Variants in MSRA observed in about 807,000 individuals in gnomAD.
MSRA encodes mitochondrial peptide methionine sulfoxide reductase.
MSRA carries 54 observed loss-of-function variants against 31.3 expected under a neutral mutation model. The observed-to-expected ratio is 1.73, with a 90% CI of 1.39 to 2.17. MSRA has a LOEUF of 2.17. MSRA is among the 30% of genes most tolerant of loss of function. The pLI is 0.00. For missense variants in MSRA, 507 were observed against 300.9 expected (o/e 1.69, Z -5.07); for synonymous variants, 169 against 116.5 (o/e 1.45, Z -2.90).
intron 5 of MSRA, among the ~76,000 whole-genome samples, chr8:10,391,692 G>A (rs995495483): frequency 6.6e-6 from 1 of 152,138 alleles, no homozygotes; most frequent in Non-Finnish European, 1.5e-5. Flanking sequence ...TCTTCTACAC[G>A]AGCACGCCTA....
At chr8:10,198,240 G>A (rs138769981) in intron 1 of MSRA, among the ~76,000 whole-genome samples, 58 of 152,040 alleles carry the variant, frequency 3.8e-4, no homozygotes, top group Middle Eastern at 3.4e-3. Context: ...AATCAGCCAC[G>A]ACTACAGCAT....
intron 3 of MSRA, among the ~76,000 whole-genome samples, chr8:10,252,442 G>A (rs1311608683): frequency 6.6e-6 from 1 of 152,148 alleles, no homozygotes; most frequent in African/African-American, 2.4e-5. Flanking sequence ...GAGTCCTGGG[G>A]TTTCCTGATA....
chr8:10,057,800 C>T (rs960666676), intron 1 of MSRA, among the ~76,000 whole-genome samples: 1 of 152,222 alleles, frequency 6.6e-6, no homozygotes, highest in South Asian at 2.1e-4. Flanking sequence ...TTCCTGAGGC[C>T]TCCCTGGCCA....
intron 2 of MSRA, among the ~76,000 whole-genome samples, chr8:10,219,999 A>G (rs150125351): frequency 6.6e-6 from 1 of 151,982 alleles, no homozygotes; most frequent in Non-Finnish European, 1.5e-5. Flanking sequence ...AGTTGAAGCA[A>G]CATGGTTGAA....
intron 2 of MSRA, among the ~76,000 whole-genome samples, chr8:10,211,183 G>T (rs1406130441): frequency 6.6e-6 from 1 of 152,196 alleles, no homozygotes; most frequent in Non-Finnish European, 1.5e-5. Flanking sequence ...TGTCAGGAAA[G>T]ACAGATAGAG....
intron 1 of MSRA, among the ~76,000 whole-genome samples, chr8:10,097,722 A>C (rs1799270571): frequency 6.6e-6 from 1 of 152,186 alleles, no homozygotes; most frequent in South Asian, 2.1e-4. Flanking sequence ...AACTCAGAAC[A>C]AACTTATATC....
intron 2 of MSRA, among the ~76,000 whole-genome samples, chr8:10,240,820 T>G (rs902306757): frequency 6.6e-6 from 1 of 151,970 alleles, no homozygotes; most frequent in Non-Finnish European, 1.5e-5. Context: ...AACCAACCAT[T>G]CAACACCCCA....
intron 2 of MSRA, among the ~76,000 whole-genome samples, chr8:10,222,410 T>C (rs1034669026): frequency 4.6e-5 from 7 of 151,984 alleles, no homozygotes; most frequent in African/African-American, 1.7e-4. Context: ...TTGGTGGGAT[T>C]GTAAATTGGT....
At chr8:10,262,418 A>T (rs118134636) in intron 3 of MSRA, among the ~76,000 whole-genome samples, 189 of 152,302 alleles carry the variant, frequency 1.2e-3, no homozygotes, top group Middle Eastern at 3.4e-3. Flanking sequence ...GGCAATTCTG[A>T]TAGGTGTATA....
intron 5 of MSRA, among the ~76,000 whole-genome samples, chr8:10,357,940 G>T (rs1804604346): frequency 6.6e-6 from 1 of 151,422 alleles, no homozygotes; most frequent in African/African-American, 2.4e-5. Flanking sequence ...ACTTTTTTTT[G>T]AAATGGAGTT....
At chr8:10,229,713 A>T (rs79314828) in intron 2 of MSRA, among the ~76,000 whole-genome samples, 1 of 152,276 alleles carries the variant, frequency 6.6e-6, no homozygotes, top group East Asian at 1.9e-4. Flanking sequence ...TGAGAAAAAA[A>T]AGGGTTAGAG....
At chr8:10,270,224 G>T (rs914164678) in intron 3 of MSRA, among the ~76,000 whole-genome samples, 1 of 151,980 alleles carries the variant, frequency 6.6e-6, no homozygotes, top group Admixed American at 6.5e-5. Context: ...CTTATATACC[G>T]GATTCTGTTA....
intron 5 of MSRA, among the ~76,000 whole-genome samples, chr8:10,370,470 C>G (rs1203048787): frequency 3.3e-5 from 5 of 152,214 alleles, no homozygotes; most frequent in Non-Finnish European, 2.9e-5. Flanking sequence ...AGATTTCACA[C>G]AAACTATGAA....
intron 5 of MSRA, among the ~76,000 whole-genome samples, chr8:10,390,036 C>T (rs1298203262): frequency 1.3e-5 from 2 of 152,222 alleles, no homozygotes; most frequent in Admixed American, 6.5e-5. Flanking sequence ...CCCGAGCCCA[C>T]TCCCCATGTG....
At chr8:10,356,737 T>C (rs541088730) in intron 5 of MSRA, among the ~76,000 whole-genome samples, 2 of 152,226 alleles carry the variant, frequency 1.3e-5, no homozygotes, top group South Asian at 4.2e-4. Context: ...ACATAGAATC[T>C]ACCTTGATTC....
chr8:10,172,456 G>T (rs1341733211), intron 1 of MSRA, among the ~76,000 whole-genome samples: 2 of 152,134 alleles, frequency 1.3e-5, no homozygotes, highest in Admixed American at 6.5e-5. Flanking sequence ...GGGCAGGGGA[G>T]GGGGAGGCAA....
chr8:10,307,957 G>A (rs1456382833), intron 4 of MSRA, among the ~76,000 whole-genome samples: 7 of 152,196 alleles, frequency 4.6e-5, no homozygotes, highest in Non-Finnish European at 8.8e-5. Context: ...GTGACAGCGT[G>A]CAGCTTCTGG....
At chr8:10,118,799 C>T (rs1800881142) in intron 1 of MSRA, among the ~76,000 whole-genome samples, 1 of 152,204 alleles carries the variant, frequency 6.6e-6, no homozygotes, top group African/African-American at 2.4e-5. Flanking sequence ...CTTTTCTAAG[C>T]TACCCCAATT....
intron 1 of MSRA, among the ~76,000 whole-genome samples, chr8:10,147,852 C>T (rs533772378): frequency 8.9e-4 from 136 of 152,330 alleles, no homozygotes; most frequent in African/African-American, 2.6e-3. Flanking sequence ...AGTTCACCGC[C>T]CTTCGACTCT....
Sources: gnomAD v4.1 joint callset for allele counts (sites outside exome capture counted in the v4.1 genomes callset) on GRCh38, gnomAD v4.1.1 for gene constraint, MANE v1.5 for transcripts, NCBI Gene and HGNC (gene_info 2026-07-23, HGNC 2026-07-21) for gene names.